ANO2: variants seen among roughly 807,000 people sequenced by gnomAD.
ANO2 encodes anoctamin 2, also known as anoctamin-2.
ANO2 carries 101 observed loss-of-function variants against 124.2 expected under a neutral mutation model. That is an observed-to-expected ratio of 0.81 (90% CI 0.69 to 0.96). The LOEUF (loss-of-function observed/expected upper bound fraction) is 0.96. Ranked by LOEUF, ANO2 falls within the 40% of genes least tolerant of loss-of-function variation. The pLI, the probability that ANO2 is intolerant of heterozygous loss-of-function variation, is 0.00. For missense variants in ANO2, 1,293 were observed against 1,274.5 expected, an observed-to-expected ratio of 1.01 and a Z score of -0.22; for synonymous variants, 486 against 482.5, an observed-to-expected ratio of 1.01 and a Z score of -0.09.
intron 18 of ANO2, 68 bp downstream of exon 18, chr12:5,612,833 G>A (rs1944611911): frequency 1.2e-6 from 2 of 1,607,574 alleles, no homozygotes; most frequent in African/African-American, 2.7e-5. Flanking sequence ...ATGAAGCCAT[G>A]CTGTGCTGGA....
intron 3 of ANO2, among the ~76,000 whole-genome samples, chr12:5,871,832 G>A (rs1407550639): frequency 6.6e-6 from 1 of 152,162 alleles, no homozygotes; most frequent in African/African-American, 2.4e-5. Flanking sequence ...TACTGGTGGG[G>A]AGTGCAACCA....
At chr12:5,923,172 A>ACACACACG (rs1555184618) in intron 1 of ANO2, among the ~76,000 whole-genome samples, 1 of 40,774 alleles carries the variant, frequency 2.5e-5, no homozygotes, top group Non-Finnish European at 5.5e-5. Context: ...ATACACACAC[A>ACACACACG]CGCACACACA....
At chr12:5,565,755 A>G in intron 23 of ANO2, 92 bp from the exon 24 acceptor site, 1 of 1,023,734 alleles carries the variant, frequency 9.8e-7, no homozygotes, top group Non-Finnish European at 1.4e-6. Context: ...TGGCTGGAGC[A>G]TCAGGCACGC....
intron 10 of ANO2, among the ~76,000 whole-genome samples, chr12:5,766,424 T>C (rs1455873697): frequency 6.6e-6 from 1 of 152,176 alleles, no homozygotes; most frequent in Non-Finnish European, 1.5e-5. Flanking sequence ...CCCACAAATA[T>C]AATGTTGAAA....
chr12:5,578,275 C>A, intron 21 of ANO2, 91 bp downstream of exon 21: 2 of 1,510,722 alleles, frequency 1.3e-6, no homozygotes, highest in Non-Finnish European at 1.8e-6. Flanking sequence ...CTTTCCCAGC[C>A]CTCTTGATTC....
chr12:5,826,780 C>G (rs1953970699), intron 7 of ANO2, among the ~76,000 whole-genome samples: 2 of 152,070 alleles, frequency 1.3e-5, no homozygotes, highest in Admixed American at 1.3e-4. Flanking sequence ...TTACAAGCCC[C>G]ACAACACACT....
At chr12:5,845,624 T>C (rs547665538) in intron 4 of ANO2, among the ~76,000 whole-genome samples, 46 of 149,044 alleles carry the variant, frequency 3.1e-4, no homozygotes, top group East Asian at 2.2e-3. Flanking sequence ...CTAAAAAATA[T>C]ACTTTGAGAA....
At chr12:5,596,079 A>G (rs1262566694) in intron 20 of ANO2, among the ~76,000 whole-genome samples, 1 of 152,246 alleles carries the variant, frequency 6.6e-6, no homozygotes, top group Non-Finnish European at 1.5e-5. Flanking sequence ...GTGAAATAAT[A>G]ATATAAATAA....
At chr12:5,922,588 A>AG in intron 2 of ANO2, 32 bp downstream of exon 2, 1 of 1,496,726 alleles carries the variant, frequency 6.7e-7, no homozygotes, top group African/African-American at 1.5e-5. Flanking sequence ...GGGCTGGCCT[A>AG]TCCCCCCACC....
chr12:5,864,723 T>C (rs1955372127), intron 3 of ANO2, among the ~76,000 whole-genome samples: 1 of 152,194 alleles, frequency 6.6e-6, no homozygotes, highest in South Asian at 2.1e-4. Context: ...TCTCTGTTTA[T>C]TCCCCTTGCC....
chr12:5,663,366 A>C lies in ANO2; in HGVS notation c.1546-15565T>G, dbSNP rs559223771. Among the ~76,000 whole-genome samples, 7 of 152,330 alleles carry C rather than the reference A, an allele frequency of 4.6e-5. No individual in the cohort carries two copies. In the East Asian group the frequency reaches 1.3e-3, roughly 29 times the overall value. On this transcript the variant is annotated intron_variant, in intron 14 of 24. Coordinates refer to ENST00000682330, the MANE Select transcript of ANO2 (RefSeq NM_001364791.2). ...AGGAAATGAAGCAGGGAATGGTTAC[A>C]CTGTGGGTGAATGAGCAGGTAGAGT...
chr12:5,934,696 G>A (rs1942575261), intron 1 of ANO2, among the ~76,000 whole-genome samples: 2 of 152,112 alleles, frequency 1.3e-5, no homozygotes, highest in Admixed American at 1.3e-4. Flanking sequence ...CTGGTCTGTT[G>A]GCTCATTAAT....
At chr12:5,781,880 T>C (rs1238663773) in intron 10 of ANO2, among the ~76,000 whole-genome samples, 1 of 152,246 alleles carries the variant, frequency 6.6e-6, no homozygotes, top group African/African-American at 2.4e-5. Flanking sequence ...GAATATGTTC[T>C]GTCTTGGTAA....
chr12:5,802,505 C>T (rs116716765), intron 9 of ANO2, among the ~76,000 whole-genome samples: 2 of 152,148 alleles, frequency 1.3e-5, no homozygotes, highest in Non-Finnish European at 1.5e-5. Context: ...GCTGTAGACC[C>T]TTCCCAATCT....
Position 5,849,795 on chromosome 12 carries a change from G to A in ANO2, c.633+4248C>T, listed in dbSNP as rs528893084. ...GCCTGGAGGATGCTTAACTGATCCCGCGCCATGCCTCATTCTTCCTCCACG... is the reference window on the plus strand; with the variant it reads ...GCCTGGAGGATGCTTAACTGATCCCACGCCATGCCTCATTCTTCCTCCACG... On this transcript the variant is annotated intron_variant, in intron 4 of 24. Transcript: ENST00000682330. 3.3e-5 allele frequency among the ~76,000 whole-genome samples: 5 copies of A among 152,026 alleles called. No homozygotes were observed. In the South Asian group the frequency reaches 1.0e-3, roughly 32 times the overall value.
intron 14 of ANO2, among the ~76,000 whole-genome samples, chr12:5,688,038 A>T (rs1418471983): frequency 1.3e-5 from 2 of 152,202 alleles, no homozygotes; most frequent in Non-Finnish European, 2.9e-5. Context: ...ACCATTGAAA[A>T]ATTGTATTAA....
chr12:5,812,877 A>AAGAAGGAAGGAAGGAGAAGGAC lies in ANO2; in HGVS notation c.893-5510_893-5509insGTCCTTCTCCTTCCTTCCTTCT, dbSNP rs1565688753. Among the ~76,000 whole-genome samples the AAGAAGGAAGGAAGGAGAAGGAC allele has an allele frequency of 1.2e-4, 13 of 106,546 alleles. 1 individual carries two copies. The highest frequency in any genetic ancestry group is 2.6e-4 in the Non-Finnish European group (12 of 45,354). 69.9% of individuals were successfully genotyped at this position (106,546 alleles called of 152,430 possible). ...GGACAGAAGGAAGGAAGGAGAAGGA[A>AAGAAGGAAGGAAGGAGAAGGAC]AGAAGGAAGGAAGGAGAAGCAAACA... On this transcript the variant is annotated intron_variant, in intron 7 of 24. Coordinates refer to ENST00000682330, the MANE Select transcript of ANO2 (RefSeq NM_001364791.2).
chr12:5,836,380 T>G (rs1954318084), intron 4 of ANO2, among the ~76,000 whole-genome samples: 1 of 152,218 alleles, frequency 6.6e-6, no homozygotes, highest in African/African-American at 2.4e-5. Context: ...ATGTGGTATT[T>G]GGGACATATA....
intron 1 of ANO2, among the ~76,000 whole-genome samples, chr12:5,937,873 G>A (rs892997005): frequency 3.3e-5 from 5 of 152,080 alleles, no homozygotes; most frequent in African/African-American, 7.2e-5. Flanking sequence ...TTTCTCTACC[G>A]TGTGCTTCTT....
Sources: gnomAD v4.1 joint callset for allele counts (sites outside exome capture counted in the v4.1 genomes callset) on GRCh38, gnomAD v4.1.1 for gene constraint, MANE v1.5 for transcripts, NCBI Gene and HGNC (gene_info 2026-07-23, HGNC 2026-07-21) for gene names.